Variants in EIPR1 observed in about 807,000 individuals in gnomAD.
EIPR1 encodes the protein EARP complex and GARP complex interacting protein 1, also known as EARP and GARP complex-interacting protein 1.
A neutral mutation model predicts 48.1 loss-of-function variants in EIPR1; 25 were observed. The observed-to-expected ratio is 0.52, with a 90% CI of 0.38 to 0.73. The LOEUF is 0.73. Among genes scored for constraint, EIPR1 ranks in the 30% least tolerant of loss-of-function variants. The pLI is 0.00. For synonymous variants in EIPR1, 204 were observed against 201.9 expected (o/e 1.01, Z -0.09); for missense variants, 415 against 506.2 (o/e 0.82, Z 1.73).
At chr2:3,234,285 C>T (rs1474952289) in intron 4 of EIPR1, among the ~76,000 whole-genome samples, 2 of 152,212 alleles carry the variant, frequency 1.3e-5, no homozygotes, top group Non-Finnish European at 2.9e-5. Context: ...ACATCGCATG[C>T]TTAAATTCTG....
chr2:3,299,163 C>T (rs191697169), intron 3 of EIPR1, among the ~76,000 whole-genome samples: 3 of 152,354 alleles, frequency 2.0e-5, no homozygotes, highest in East Asian at 1.9e-4. Context: ...AGATTCATCA[C>T]AAGTCCTAGC....
intron 7 of EIPR1, 145 bp from the exon 8 acceptor site, chr2:3,192,726 A>G (rs1247612187): frequency 4.0e-6 from 3 of 748,256 alleles, no homozygotes; most frequent in African/African-American, 3.6e-5. Context: ...AGGGCCTGAC[A>G]TAAGGCAGTT....
At chr2:3,307,496 T>C (rs546340549) in intron 3 of EIPR1, among the ~76,000 whole-genome samples, 1 of 152,202 alleles carries the variant, frequency 6.6e-6, no homozygotes, top group East Asian at 1.9e-4. Flanking sequence ...CTCTGTGCAA[T>C]AGAACCAGCA....
chr2:3,248,938 C>G (rs1299205483), intron 4 of EIPR1, among the ~76,000 whole-genome samples: 1 of 152,188 alleles, frequency 6.6e-6, no homozygotes, highest in Non-Finnish European at 1.5e-5. Context: ...GCTTCCTGTA[C>G]AGCCTGTGGA....
At chr2:3,233,316 T>C (rs968940742) in intron 4 of EIPR1, among the ~76,000 whole-genome samples, 10 of 152,244 alleles carry the variant, frequency 6.6e-5, no homozygotes, top group African/African-American at 2.4e-4. Flanking sequence ...CCATAATTTT[T>C]TAATCCAATT....
At chr2:3,291,347 T>C (rs570645168) in intron 3 of EIPR1, among the ~76,000 whole-genome samples, 67 of 152,288 alleles carry the variant, frequency 4.4e-4, no homozygotes, top group African/African-American at 1.5e-3. Context: ...TTCTGCCGTG[T>C]ACCCCAACCC....
In EIPR1 at chr2:3,377,726, G is replaced by C; in HGVS notation, c.-37C>G. ...GCGACCCGACCCCGGCCACTCACACGCTAAGGACCTCGCTACGGCCGGCGC... is the reference window on the plus strand; with the variant it reads ...GCGACCCGACCCCGGCCACTCACACCCTAAGGACCTCGCTACGGCCGGCGC... On this transcript the variant is annotated 5_prime_UTR_variant, in exon 1 of 9. Coordinates refer to ENST00000382125, the MANE Select transcript of EIPR1 (RefSeq NM_003310.5). The C allele has an allele frequency of 6.4e-7, 1 of 1,562,766 alleles. No individual in the cohort carries two copies. Among genetic ancestry groups the C allele is most frequent in the Non-Finnish European group, 8.7e-7 (1 of 1,152,858 alleles).
At chr2:3,219,656 T>C (rs978272956) in intron 4 of EIPR1, among the ~76,000 whole-genome samples, 1 of 106,046 alleles carries the variant, frequency 9.4e-6, no homozygotes. Flanking sequence ...CCTGGTATAT[T>C]CTAGAGCATT....
At chr2:3,219,678 A>G (rs958347482) in intron 4 of EIPR1, among the ~76,000 whole-genome samples, 46 of 150,330 alleles carry the variant, frequency 3.1e-4, no homozygotes, top group Non-Finnish European at 5.2e-4. Flanking sequence ...ACAGTGACTC[A>G]GGTGCACACC....
intron 3 of EIPR1, among the ~76,000 whole-genome samples, chr2:3,326,138 C>T (rs1329517518): frequency 1.3e-5 from 2 of 152,232 alleles, no homozygotes; most frequent in Non-Finnish European, 2.9e-5. Context: ...TCTAGATGCT[C>T]AGAGCCCACT....
chr2:3,321,518 T>C (rs1049554261), intron 3 of EIPR1, among the ~76,000 whole-genome samples: 5 of 152,204 alleles, frequency 3.3e-5, no homozygotes, highest in Non-Finnish European at 7.3e-5. Flanking sequence ...CTCAGAATTC[T>C]GGTTTCACAA....
At chr2:3,319,246 TG>T (rs1572437250) in intron 3 of EIPR1, 1 of 325,846 alleles carries the variant, frequency 3.1e-6, no homozygotes, top group East Asian at 7.6e-5. Flanking sequence ...CTTGAAGCCT[TG>T]TAGCTGTAGG....
intron 4 of EIPR1, among the ~76,000 whole-genome samples, chr2:3,224,010 C>T (rs1041631186): frequency 9.2e-5 from 14 of 152,330 alleles, no homozygotes; most frequent in Non-Finnish European, 1.3e-4. Context: ...ACTCTAAATG[C>T]AAAACAAAGC....
At chr2:3,305,712 G>A (rs950900109) in intron 3 of EIPR1, among the ~76,000 whole-genome samples, 3 of 152,156 alleles carry the variant, frequency 2.0e-5, no homozygotes, top group Non-Finnish European at 4.4e-5. Context: ...CACCATTGAC[G>A]ACACCGCCAC....
At chr2:3,230,260 C>T (rs1558238073) in intron 4 of EIPR1, among the ~76,000 whole-genome samples, 1 of 152,124 alleles carries the variant, frequency 6.6e-6, no homozygotes, top group African/African-American at 2.4e-5. Context: ...GAGTAACGCA[C>T]ACACGTCTTG....
At chr2:3,274,726 T>C (rs759245122) in intron 3 of EIPR1, among the ~76,000 whole-genome samples, 5 of 152,094 alleles carry the variant, frequency 3.3e-5, no homozygotes, top group African/African-American at 7.2e-5. Flanking sequence ...AATATTTACT[T>C]TTGAGGTTAA....
intron 5 of EIPR1, among the ~76,000 whole-genome samples, chr2:3,209,948 A>G (rs1665385838): frequency 6.6e-6 from 1 of 152,176 alleles, no homozygotes; most frequent in Non-Finnish European, 1.5e-5. Context: ...ACCACGGTAG[A>G]GGACAGGTGT....
At chr2:3,264,742 T>C (rs1233316113) in intron 3 of EIPR1, among the ~76,000 whole-genome samples, 1 of 152,210 alleles carries the variant, frequency 6.6e-6, no homozygotes. Flanking sequence ...TCACCCAGGC[T>C]GGAGTGACCA....
intron 4 of EIPR1, among the ~76,000 whole-genome samples, chr2:3,218,775 C>T (rs193146514): frequency 1.2e-4 from 18 of 150,904 alleles, no homozygotes; most frequent in South Asian, 2.1e-4. Context: ...CACTCTAGAG[C>T]GTTCACAGTG....
Sources: allele counts gnomAD v4.1 joint callset (sites outside exome capture counted in the v4.1 genomes callset), GRCh38; gene constraint gnomAD v4.1.1; transcripts MANE v1.5; gene names NCBI Gene and HGNC (gene_info 2026-07-23, HGNC 2026-07-21).